CSPP1: variants seen among roughly 807,000 people sequenced by gnomAD.
CSPP1 encodes the protein centrosome and spindle pole associated protein 1.
In CSPP1, 126 loss-of-function variants were observed where a neutral mutation model predicts 164.4. The observed-to-expected ratio is 0.77, with a 90% CI of 0.66 to 0.89. The LOEUF (loss-of-function observed/expected upper bound fraction) is 0.89. Among genes scored for constraint, CSPP1 ranks in the 40% least tolerant of loss-of-function variants. The pLI, the probability that CSPP1 is intolerant of heterozygous loss-of-function variation, is 0.00. For missense variants in CSPP1, 1,395 were observed against 1,449.8 expected (o/e 0.96, Z 0.61); for synonymous variants, 472 against 476.7 (o/e 0.99, Z 0.13).
chr8:67,095,102 C>A (rs1812470466), intron 6 of CSPP1, among the ~76,000 whole-genome samples, 191 bp from the exon 7 acceptor site: 1 of 151,978 alleles, frequency 6.6e-6, no homozygotes, highest in Non-Finnish European at 1.5e-5. Flanking sequence ...TGAGTTATTT[C>A]TGGTTTTTGC....
intron 30 of CSPP1, 130 bp from the exon 31 acceptor site, chr8:67,195,250 AAC>A: frequency 1.4e-6 from 1 of 724,970 alleles, no homozygotes; most frequent in Middle Eastern, 4.0e-4. Context: ...AAAACAAACA[AAC>A]AGTAGAGTTC....
At chr8:67,188,152 T>C (rs1835199989) in intron 28 of CSPP1, among the ~76,000 whole-genome samples, 1 of 152,228 alleles carries the variant, frequency 6.6e-6, no homozygotes, top group Non-Finnish European at 1.5e-5. Context: ...AAAGGACTGT[T>C]ATCCAAAATA....
At chr8:67,107,687 T>C (rs915245197) in intron 9 of CSPP1, among the ~76,000 whole-genome samples, 1 of 152,212 alleles carries the variant, frequency 6.6e-6, no homozygotes, top group Non-Finnish European at 1.5e-5. Context: ...GATACTCTTA[T>C]TTCAATTGAA....
At chr8:67,183,187 A>G (rs1002758848) in intron 28 of CSPP1, among the ~76,000 whole-genome samples, 1 of 152,240 alleles carries the variant, frequency 6.6e-6, no homozygotes, top group African/African-American at 2.4e-5. Flanking sequence ...GGAGAAATAG[A>G]TGAATCCACT....
In CSPP1 at chr8:67,158,519, C is replaced by T. The variant is rs369228037; in HGVS notation, c.2314C>T (p.Arg772Trp). 1.4e-5 allele frequency: 23 copies of T among 1,612,128 alleles called. No individual in the cohort carries two copies. Among genetic ancestry groups the T allele is most frequent in the South Asian group, 4.4e-5 (4 of 90,862 alleles). The change falls in exon 20 of 31, where the codon CGG becomes TGG. Residue 772 changes from arginine (R) to tryptophan (W), a missense_variant. Coordinates refer to ENST00000678616, the MANE Select transcript of CSPP1 (RefSeq NM_001382391.1). ...LRIAEEKEERRLAEQRARIQQ... is the reference protein window; with the variant it reads ...LRIAEEKEERWLAEQRARIQQ... ...AATTGCAGAAGAAAAAGAAGAAAGACGGCTTGCAGAACAGAGGGCACGAAT... is the reference window on the plus strand; with the variant it reads ...AATTGCAGAAGAAAAAGAAGAAAGATGGCTTGCAGAACAGAGGGCACGAAT...
Position 67,113,939 on chromosome 8 carries a change from G to C in CSPP1, c.1245+77G>C. On this transcript the variant is annotated intron_variant, in intron 11 of 30. Transcript: ENST00000678616. The stretch of plus-strand genomic sequence containing the variant: ...AAATGTGGTGGCAGGTGGGGATAGA[G>C]AATATTGGGAGAAAAAGAGAGTAGA... The C allele has an allele frequency of 6.2e-6, 5 of 805,096 alleles. No individual in the cohort carries two copies. The Admixed American group carries it at 1.2e-4, about 19-fold the overall frequency. 49.9% of individuals were successfully genotyped at this position (805,096 alleles called of 1,614,324 possible).
At position 67,146,322 on chromosome 8, in the gene CSPP1, C is replaced by CTT. The variant is rs968730218; in HGVS notation, c.1976-3456_1976-3455dup. Among the ~76,000 whole-genome samples the CTT allele has an allele frequency of 2.3e-4, 35 of 151,868 alleles. 1 individual carries two copies. Among genetic ancestry groups the CTT allele is most frequent in the African/African-American group, 6.5e-4 (27 of 41,442 alleles). On this transcript the variant is annotated intron_variant, in intron 17 of 30. Transcript: ENST00000678616. ...AATTTTTTTTAGAGACAGGGTCTCA[C>CTT]TTTTTTGCCCAGCTGGTCTCAAACT...
intron 23 of CSPP1, 43 bp from the exon 24 acceptor site, chr8:67,164,348 C>A: frequency 1.1e-6 from 1 of 923,652 alleles, no homozygotes; most frequent in Non-Finnish European, 1.8e-6. Flanking sequence ...GTCTTTTGTT[C>A]TTATTCCTGT....
rs1342748739 is a variant in CSPP1 at position 67,196,593 on chromosome 8, AATTAAATTACTGATATTTTG to A, written c.*1002_*1021del. 6.6e-6 allele frequency among the ~76,000 whole-genome samples: 1 copy of A among 152,166 alleles called. No individual in the cohort carries two copies. Among genetic ancestry groups the A allele is most frequent in the East Asian group, 1.9e-4 (1 of 5,200 alleles). On this transcript the variant is annotated 3_prime_UTR_variant, in exon 31 of 31. Transcript: ENST00000678616. ...AGACAATATCAGACAAATTTGCCAC[AATTAAATTACTGATATTTTG>A]AGTTTTGGCTACTTGTAAATTTTTA... is the stretch of plus-strand genomic sequence containing the variant.
chr8:67,110,161 G>A (rs1264430822), intron 9 of CSPP1, among the ~76,000 whole-genome samples: 2 of 150,206 alleles, frequency 1.3e-5, no homozygotes, highest in African/African-American at 2.5e-5. Flanking sequence ...TCCAGGTGCA[G>A]TCTGAGGTTT....
intron 7 of CSPP1, among the ~76,000 whole-genome samples, chr8:67,100,587 CT>C (rs968737776): frequency 2.4e-4 from 35 of 146,728 alleles, no homozygotes; most frequent in Non-Finnish European, 2.4e-4. Context: ...TAATTTTTTT[CT>C]TTTTTTTTTG....
At chr8:67,089,332 T>C (rs894130790) in intron 4 of CSPP1, among the ~76,000 whole-genome samples, 2 of 152,186 alleles carry the variant, frequency 1.3e-5, no homozygotes, top group African/African-American at 4.8e-5. Context: ...AGTTTTTAAA[T>C]TGAGTCAGTT....
chr8:67,126,214 A>C (rs1820028255), intron 15 of CSPP1, among the ~76,000 whole-genome samples: 1 of 152,234 alleles, frequency 6.6e-6, no homozygotes, highest in Admixed American at 6.5e-5. Flanking sequence ...GATTAAATAC[A>C]AGGCATGGGA....
At chr8:67,159,929 C>CCTTT (rs1827735795) in intron 21 of CSPP1, among the ~76,000 whole-genome samples, 2 of 48,094 alleles carry the variant, frequency 4.2e-5, no homozygotes, top group East Asian at 5.5e-4. Flanking sequence ...TCTTTCCTTT[C>CCTTT]CTTCCTTCCT....
intron 4 of CSPP1, chr8:67,086,743 C>T (rs1359903213): frequency 3.0e-6 from 2 of 674,686 alleles, no homozygotes; most frequent in Non-Finnish European, 4.8e-6. Flanking sequence ...GTACAAATGT[C>T]TCTTATTCTG....
chr8:67,118,309 T>C lies in CSPP1; in HGVS notation c.1558T>C (p.Tyr520His). 1.9e-6 allele frequency: 3 copies of C among 1,613,504 alleles called. No homozygotes were observed. The highest frequency in any genetic ancestry group is 2.5e-6 in the Non-Finnish European group (3 of 1,179,478). The change falls in exon 14 of 31, where the codon TAT becomes CAT. Residue 520 changes from tyrosine to histidine, a missense_variant. Coordinates refer to ENST00000678616, the MANE Select transcript of CSPP1 (RefSeq NM_001382391.1). ...TTTGGCTACTAACTATCGAACTCCTTATGATGATGCATACTATTTTTATGG... is the reference window on the plus strand; with the variant it reads ...TTTGGCTACTAACTATCGAACTCCTCATGATGATGCATACTATTTTTATGG... ...PPLATNYRTP[Y>H]DDAYYFYGSR...
At chr8:67,074,421 C>A in intron 2 of CSPP1, 70 bp downstream of exon 2, 1 of 863,198 alleles carries the variant, frequency 1.2e-6, no homozygotes, top group Non-Finnish European at 1.8e-6. Context: ...TGTGTAAATA[C>A]AAAACATCCT....
intron 19 of CSPP1, chr8:67,157,901 G>A (rs909012462): frequency 1.3e-5 from 2 of 152,102 alleles, no homozygotes; most frequent in African/African-American, 4.8e-5. Context: ...AATAGTTTTA[G>A]TTCTTTCTCC....
chr8:67,074,667 C>G (rs1807520200), intron 2 of CSPP1: 1 of 236,088 alleles, frequency 4.2e-6, no homozygotes. Flanking sequence ...AGTTTATAGT[C>G]TATGTGAAAA....
Sources: gnomAD v4.1 joint callset for allele counts (sites outside exome capture counted in the v4.1 genomes callset) on GRCh38, gnomAD v4.1.1 for gene constraint, MANE v1.5 for transcripts, NCBI Gene and HGNC (gene_info 2026-07-23, HGNC 2026-07-21) for gene names.